Variants in PIKFYVE observed in about 807,000 individuals in gnomAD.
The protein encoded by PIKFYVE is phosphoinositide kinase, FYVE-type zinc finger containing.
In PIKFYVE, 122 loss-of-function variants were observed where a neutral mutation model predicts 257.9. The observed-to-expected ratio is 0.47, with a 90% CI of 0.41 to 0.55. The LOEUF is 0.55. Ranked by LOEUF, PIKFYVE falls within the 20% of genes least tolerant of loss-of-function variation. The probability of loss-of-function intolerance (pLI) is 0.00; values close to 1 mark genes in which losing one functional copy is unlikely to be tolerated. For synonymous variants in PIKFYVE, 892 were observed against 868.9 expected, an observed-to-expected ratio of 1.03 and a Z score of -0.47; for missense variants, 2,160 against 2,536.6, an observed-to-expected ratio of 0.85 and a Z score of 3.19.
chr2:208,314,172 C>G (rs1011830783), intron 13 of PIKFYVE, 122 bp from the exon 14 acceptor site: 1 of 1,103,256 alleles, frequency 9.1e-7, no homozygotes, highest in South Asian at 1.5e-5. Context: ...CTTTTTACAC[C>G]AATAATTTAT....
At chr2:208,288,920 C>A in intron 7 of PIKFYVE, 102 bp downstream of exon 7, 1 of 1,385,262 alleles carries the variant, frequency 7.2e-7, no homozygotes. Flanking sequence ...TTGTCATATA[C>A]TTCCGTAGCT....
In PIKFYVE at chr2:208,343,037, C is replaced by T. The variant is rs181294090; in HGVS notation, c.5027+388C>T. On this transcript the variant is annotated intron_variant, in intron 32 of 41. Coordinates refer to ENST00000264380, the MANE Select transcript of PIKFYVE (RefSeq NM_015040.4). ...CTTGAACTCCTGACCTCAGGTGATC[C>T]ACCCACCTCGGCCTCCCAAAGTGCT... Among the ~76,000 whole-genome samples the T allele has an allele frequency of 8.8e-3, 1,344 of 152,218 alleles. 11 individuals are homozygous for T. Among genetic ancestry groups the T allele is most frequent in the Middle Eastern group, 0.02 (6 of 294 alleles).
intron 1 of PIKFYVE, among the ~76,000 whole-genome samples, chr2:208,270,516 A>G (rs1689279006): frequency 1.3e-5 from 2 of 152,162 alleles, no homozygotes; most frequent in Non-Finnish European, 2.9e-5. Context: ...CTTTAAGAAG[A>G]TCTTCATCTT....
rs748278350 is a variant in PIKFYVE at position 208,304,865 on chromosome 2, G to A, written c.1488G>A (p.Lys496=). Residue 496 remains lysine (K), a synonymous_variant, in exon 12 of 42, where the codon AAG becomes AAA. Coordinates refer to ENST00000264380, the MANE Select transcript of PIKFYVE (RefSeq NM_015040.4). ...DNLANSASPS[K]RTSVSSFQST... The stretch of plus-strand genomic sequence containing the variant: ...TAAAAGATTCTGCCAGTCCTAGCAA[G>A]CGCACATCAGTCAGCAGTTTCCAGT... 3 of 1,614,068 alleles carry A rather than the reference G, an allele frequency of 1.9e-6. No individual in the cohort carries two copies. The highest frequency in any genetic ancestry group is 1.3e-5 in the African/African-American group (1 of 75,002).
chr2:208,314,480 G>A, intron 14 of PIKFYVE, 57 bp downstream of exon 14: 1 of 1,539,798 alleles, frequency 6.5e-7, no homozygotes, highest in Non-Finnish European at 8.9e-7. Context: ...TCAGTGACTT[G>A]ATAAGCATAT....
chr2:208,277,970 A>G (rs1310462455), intron 5 of PIKFYVE, among the ~76,000 whole-genome samples: 1 of 152,198 alleles, frequency 6.6e-6, no homozygotes, highest in Non-Finnish European at 1.5e-5. Context: ...AATTTATTAG[A>G]CAAGATCGTT....
chr2:208,295,244 C>T (rs747287897), intron 7 of PIKFYVE, among the ~76,000 whole-genome samples: 2 of 152,198 alleles, frequency 1.3e-5, no homozygotes, highest in African/African-American at 2.4e-5. Context: ...TGAAGATGCT[C>T]ACGTGCTAGA....
intron 15 of PIKFYVE, among the ~76,000 whole-genome samples, chr2:208,316,913 G>A (rs1695593012): frequency 1.3e-5 from 2 of 152,186 alleles, no homozygotes; most frequent in Admixed American, 1.3e-4. Context: ...ATGGTGCTGG[G>A]AAAACTGCCT....
Position 208,355,220 on chromosome 2 carries a change from T to A in PIKFYVE, c.6212T>A (p.Leu2071Ter). Residue 2071 changes from leucine (L) to a stop codon, truncating the protein, a stop_gained, in exon 42 of 42, where the codon TTG becomes TAG. Coordinates refer to ENST00000264380, the MANE Select transcript of PIKFYVE (RefSeq NM_015040.4). LOFTEE classifies it high-confidence loss of function. ...ATGCCAACAGTGGTGTCTCCGGAGT[T>A]GTACAGGACTAGGTTTTGTGAGGCA... ...GKMPTVVSPE[L>*]YRTRFCEAMD... 1 of 1,614,024 alleles carries A rather than the reference T, an allele frequency of 6.2e-7. No individual in the cohort carries two copies. Among genetic ancestry groups the A allele is most frequent in the Non-Finnish European group, 8.5e-7 (1 of 1,179,866 alleles).
At position 208,351,542 on chromosome 2, in the gene PIKFYVE, C is replaced by T. The variant is rs946396886; in HGVS notation, c.5715+87C>T. On this transcript the variant is annotated intron_variant, in intron 38 of 41. Transcript: ENST00000264380. ...TTTCTGTTAGTCTATTCTTGTGTTG[C>T]TATAAAGAAATACCTGAGGCTGGGT... The T allele has an allele frequency of 2.7e-6, 3 of 1,118,452 alleles. No homozygotes were observed. In the African/African-American group the frequency reaches 4.6e-5, roughly 17 times the overall value. 69.3% of individuals were successfully genotyped at this position (1,118,452 alleles called of 1,614,324 possible).
Position 208,325,597 on chromosome 2 carries a change from T to C in PIKFYVE, c.2786T>C (p.Leu929Ser), listed in dbSNP as rs1363658042. Residue 929 changes from leucine (L) to serine (S), a missense_variant, in exon 20 of 42, where the codon TTG becomes TCG. Around this residue, in one of 12 missense-constraint regions of PIKFYVE, gnomAD observed 522 missense variants for 514.6 expected, o/e 1.01. Coordinates refer to ENST00000264380, the MANE Select transcript of PIKFYVE (RefSeq NM_015040.4). Reference protein sequence around the residue: ...PESLPCDDSSLLELRIVFEKG... With the variant: ...PESLPCDDSSSLELRIVFEKG... ...TCTCTGCCCTGTGATGATAGCAGTT[T>C]GCTGGAATTGAGGATTGTGTTTGAG... 3.1e-6 allele frequency: 5 copies of C among 1,614,108 alleles called. No individual in the cohort carries two copies. In the South Asian group the frequency reaches 5.5e-5, roughly 18 times the overall value.
intron 3 of PIKFYVE, chr2:208,274,006 C>G (rs775043811): frequency 6.2e-7 from 1 of 1,610,796 alleles, no homozygotes; most frequent in Non-Finnish European, 8.5e-7. Context: ...TAATTACTTG[C>G]TTGGGTTTCA....
At chr2:208,296,050 G>A (rs978078756) in intron 7 of PIKFYVE, among the ~76,000 whole-genome samples, 1 of 152,032 alleles carries the variant, frequency 6.6e-6, no homozygotes, top group Non-Finnish European at 1.5e-5. Flanking sequence ...TGTTGCCCAG[G>A]CTGGAGTGCA....
intron 24 of PIKFYVE, chr2:208,334,443 C>G (rs779648389): frequency 6.5e-6 from 1 of 152,898 alleles, no homozygotes; most frequent in African/African-American, 2.4e-5. Flanking sequence ...TCCTACTGCT[C>G]TCTCTTCACT....
chr2:208,274,137 C>A, intron 3 of PIKFYVE: 1 of 1,407,132 alleles, frequency 7.1e-7, no homozygotes, highest in Non-Finnish European at 9.9e-7. Context: ...GGCTGCAGAA[C>A]TCTGTCAACT....
At chr2:208,352,019 A>G (rs566312634) in intron 38 of PIKFYVE, among the ~76,000 whole-genome samples, 27 of 152,292 alleles carry the variant, frequency 1.8e-4, no homozygotes, top group Non-Finnish European at 3.1e-4. Context: ...CTATTGAGGT[A>G]TTATAGGATT....
Position 208,312,278 on chromosome 2 carries a change from G to A in PIKFYVE, c.1679G>A (p.Ser560Asn), listed in dbSNP as rs1695017190. The part of the protein sequence containing the change: ...SDTGGQQLSI[S>N]DAFIKESLFN... ...ACTGGAGGACAACAGCTCTCAATAA[G>A]TGACGCTTTCATCAAAGGTAATTTT... Residue 560 changes from serine to asparagine, a missense_variant, in exon 13 of 42, where the codon AGT becomes AAT. Ser to Asn is a conservative substitution (Grantham distance 46, BLOSUM62 1). Transcript: ENST00000264380. 3 of 1,610,722 alleles carry A rather than the reference G, an allele frequency of 1.9e-6. No homozygotes were observed. The highest frequency in any genetic ancestry group is 2.5e-6 in the Non-Finnish European group (3 of 1,177,826).
At chr2:208,316,667 A>G (rs1695559732) in intron 15 of PIKFYVE, among the ~76,000 whole-genome samples, 1 of 152,374 alleles carries the variant, frequency 6.6e-6, no homozygotes, top group South Asian at 2.1e-4. Context: ...AAGAGCCCGC[A>G]TCGCCAAGTC....
At chr2:208,352,920 T>G in intron 39 of PIKFYVE, 138 bp downstream of exon 39, 2 of 1,102,414 alleles carry the variant, frequency 1.8e-6, no homozygotes, top group East Asian at 5.4e-5. Context: ...TATTTAACTT[T>G]TGACTTGCTC....
Sources: allele counts gnomAD v4.1 joint callset (sites outside exome capture counted in the v4.1 genomes callset), GRCh38; gene constraint gnomAD v4.1.1; regional missense constraint gnomAD v4.1.1; transcripts MANE v1.5; gene names NCBI Gene and HGNC (gene_info 2026-07-23, HGNC 2026-07-21).